PTK7: variants seen among roughly 807,000 people sequenced by gnomAD.
PTK7 encodes protein tyrosine kinase 7 (inactive), also known as inactive tyrosine-protein kinase 7.
PTK7 carries 39 observed loss-of-function variants against 116.6 expected under a neutral mutation model. That is an observed-to-expected ratio of 0.33 (90% CI 0.26 to 0.44). PTK7 has a LOEUF of 0.44. Ranked by LOEUF, PTK7 falls within the 20% of genes least tolerant of loss-of-function variation. The pLI is 1.00. For synonymous variants in PTK7, 546 were observed against 563.6 expected (o/e 0.97, Z 0.44); for missense variants, 1,169 against 1,425.6 (o/e 0.82, Z 2.90).
chr6:43,102,641 C>G (rs1767651429), intron 1 of PTK7, among the ~76,000 whole-genome samples: 2 of 151,580 alleles, frequency 1.3e-5, no homozygotes, highest in South Asian at 4.2e-4. Context: ...GCAAAGGTGT[C>G]ACACAATTCT....
At chr6:43,135,843 T>C (rs990451893) in intron 7 of PTK7, among the ~76,000 whole-genome samples, 21 of 151,946 alleles carry the variant, frequency 1.4e-4, no homozygotes, top group Admixed American at 1.3e-4. Flanking sequence ...TCACTTGAGG[T>C]CAGGAGTTTG....
Position 43,130,526 on chromosome 6 carries a change from G to C in PTK7, c.677G>C (p.Arg226Thr), listed in dbSNP as rs1337405017. Reference sequence around the variant, plus strand: ...CCCTCTCCAGATGAAAGCTTTGCCAGGGTGGTGCTGGCACCCCAGGACGTG... The same window carrying C: ...CCCTCTCCAGATGAAAGCTTTGCCACGGTGGTGCTGGCACCCCAGGACGTG... ...TLSIADESFA[R>T]VVLAPQDVVV... is the part of the protein sequence containing the mutation. Residue 226 changes from arginine (R) to threonine (T), a missense_variant, in exon 5 of 20, where the codon AGG (arginine) becomes ACG (threonine). By Grantham distance (71) the Arg-to-Thr change is moderately conservative. Transcript: ENST00000230419. The C allele has an allele frequency of 1.2e-6, 2 of 1,613,896 alleles. No homozygotes were observed. The highest frequency in any genetic ancestry group is 2.2e-5 in the South Asian group (2 of 91,028).
At chr6:43,115,663 G>A (rs78559759) in intron 1 of PTK7, among the ~76,000 whole-genome samples, 1,798 of 151,884 alleles carry the variant, frequency 0.012, 41 homozygotes, top group African/African-American at 0.041. Context: ...GGGCTGGGCG[G>A]GGTGGCTCAC....
chr6:43,091,955 C>T (rs753215606), intron 1 of PTK7, among the ~76,000 whole-genome samples: 8 of 151,908 alleles, frequency 5.3e-5, no homozygotes, highest in Non-Finnish European at 8.8e-5. Flanking sequence ...CTCCACCTCC[C>T]GGGTTCAAGT....
At chr6:43,077,686 A>T (rs1766133765) in intron 1 of PTK7, among the ~76,000 whole-genome samples, 1 of 152,214 alleles carries the variant, frequency 6.6e-6, no homozygotes, top group African/African-American at 2.4e-5. Flanking sequence ...TCTGTCGAGG[A>T]GACCTGTCCT....
chr6:43,160,052 C>T, intron 19 of PTK7, 86 bp downstream of exon 19: 1 of 1,402,572 alleles, frequency 7.1e-7, no homozygotes, highest in Non-Finnish European at 9.7e-7. Context: ...CAGCCTACCT[C>T]CCTCTCAGGG....
chr6:43,118,685 A>G (rs776978667), intron 1 of PTK7, among the ~76,000 whole-genome samples: 15 of 111,456 alleles, frequency 1.3e-4, no homozygotes, highest in East Asian at 4.1e-4. Flanking sequence ...ATATATATAT[A>G]TATGTATATA....
intron 1 of PTK7, among the ~76,000 whole-genome samples, chr6:43,115,479 C>T (rs1384978865): frequency 3.3e-5 from 5 of 152,096 alleles, no homozygotes; most frequent in South Asian, 2.1e-4. Context: ...GGGCTGGCTC[C>T]AGTACCTGTG....
chr6:43,146,626 C>T lies in PTK7; in HGVS notation c.2649C>T (p.Leu883=). Residue 883 remains leucine (L), a synonymous_variant, in exon 17 of 20, where the codon CTC becomes CTT. Transcript: ENST00000230419. ...CCTGGCTTTTCCCTTAGGGAGACCT[C>T]AAGCAGTTCCTGAGGATTTCCAAGA... ...MVLEYVDLGD[L]KQFLRISKSK... The T allele has an allele frequency of 6.2e-7, 1 of 1,613,594 alleles. No homozygotes were observed. The highest frequency in any genetic ancestry group is 8.5e-7 in the Non-Finnish European group (1 of 1,179,922).
At chr6:43,159,651 G>A in intron 18 of PTK7, 137 bp from the exon 19 acceptor site, 1 of 853,408 alleles carries the variant, frequency 1.2e-6, no homozygotes. Flanking sequence ...CAGCACGCAT[G>A]TGACCAATTT....
chr6:43,086,255 C>A (rs1174460254), intron 1 of PTK7, among the ~76,000 whole-genome samples: 1 of 152,124 alleles, frequency 6.6e-6, no homozygotes, highest in African/African-American at 2.4e-5. Context: ...TGGGGGTTTC[C>A]CCAGTCAGCG....
At chr6:43,098,645 C>T (rs1014258668) in intron 1 of PTK7, among the ~76,000 whole-genome samples, 1 of 152,118 alleles carries the variant, frequency 6.6e-6, no homozygotes, top group Non-Finnish European at 1.5e-5. Flanking sequence ...AGTGAGCCAC[C>T]GCGTCCTGCC....
At position 43,076,996 on chromosome 6, in the gene PTK7, G is replaced by T; in HGVS notation, c.79+429G>T. ...GGCAGGGTCGGCCCAGGTAAGAGTTGCTGGTTTGGGGCCCGATGCCGGACA... is the reference window on the plus strand; with the variant it reads ...GGCAGGGTCGGCCCAGGTAAGAGTTTCTGGTTTGGGGCCCGATGCCGGACA... On this transcript the variant is annotated intron_variant, in intron 1 of 19. Transcript: ENST00000230419. The surrounding 1 kb of genome is among the most constrained non-coding windows in gnomAD (Gnocchi z 5.7). 6.8e-7 allele frequency: 1 copy of T among 1,465,924 alleles called. No individual in the cohort carries two copies. The highest frequency in any genetic ancestry group is 9.1e-7 in the Non-Finnish European group (1 of 1,104,150). The allele number at this position is 1,465,924 out of a possible 1,614,324, so 90.8% of individuals were successfully genotyped here.
intron 1 of PTK7, among the ~76,000 whole-genome samples, chr6:43,116,529 G>C (rs1225692655): frequency 2.6e-5 from 4 of 151,974 alleles, no homozygotes; most frequent in Non-Finnish European, 4.4e-5. Context: ...TTATCCCTTT[G>C]AAACCAGCCG....
At chr6:43,080,987 T>TG (rs1281800159) in intron 1 of PTK7, among the ~76,000 whole-genome samples, 1 of 151,268 alleles carries the variant, frequency 6.6e-6, no homozygotes, top group Non-Finnish European at 1.5e-5. Context: ...AGCCCTTTCT[T>TG]GGTCTTCCCT....
Position 43,143,259 on chromosome 6 carries a change from A to T in PTK7, c.2048-158A>T, listed in dbSNP as rs1190723770. 1.4e-5 allele frequency: 9 copies of T among 660,268 alleles called. No homozygotes were observed. Among genetic ancestry groups the T allele is most frequent in the South Asian group, 1.3e-4 (7 of 52,292 alleles). 40.9% of individuals were successfully genotyped at this position (660,268 alleles called of 1,614,324 possible). On this transcript the variant is annotated intron_variant, in intron 13 of 19. Coordinates refer to ENST00000230419, the MANE Select transcript of PTK7 (RefSeq NM_002821.5). This position sits in a 1 kb window ranked among gnomAD's most constrained non-coding sequence, Gnocchi z 4.2. ...AGTCTTCGTTTGACCTTGGTGGGGCATGAGGACCTGCTGGCCCTTGTTAAA... is the reference window on the plus strand; with the variant it reads ...AGTCTTCGTTTGACCTTGGTGGGGCTTGAGGACCTGCTGGCCCTTGTTAAA...
chr6:43,148,306 A>G (rs1222457270), intron 17 of PTK7, among the ~76,000 whole-genome samples: 6 of 152,110 alleles, frequency 3.9e-5, no homozygotes. Context: ...GGCACTTATG[A>G]TCTAGTGAGG....
intron 1 of PTK7, among the ~76,000 whole-genome samples, chr6:43,125,340 A>G (rs1447141781): frequency 6.6e-6 from 1 of 152,128 alleles, no homozygotes; most frequent in Non-Finnish European, 1.5e-5. Flanking sequence ...CAGTCTGGGA[A>G]TGCAGCATCT....
At chr6:43,106,307 TTTTG>T (rs1286186712) in intron 1 of PTK7, among the ~76,000 whole-genome samples, 3 of 152,240 alleles carry the variant, frequency 2.0e-5, no homozygotes, top group South Asian at 2.1e-4. Flanking sequence ...CTTTTTTTGT[TTTTG>T]TTTGTTTGTT....
Sources: gnomAD v4.1 joint callset for allele counts (sites outside exome capture counted in the v4.1 genomes callset) on GRCh38, gnomAD v4.1.1 for gene constraint, Gnocchi (gnomAD v3.1) non-coding constraint, MANE v1.5 for transcripts, NCBI Gene and HGNC (gene_info 2026-07-23, HGNC 2026-07-21) for gene names.